Variants in DEFB109B observed in about 807,000 individuals in gnomAD.
The protein encoded by DEFB109B is beta-defensin 109B.
At chr8:7,312,330 C>A (rs1438201803), upstream of DEFB109B, among the ~76,000 whole-genome samples, 1 of 138,706 alleles carries the variant, frequency 7.2e-6, no homozygotes, top group Non-Finnish European at 1.5e-5. Flanking sequence ...GAGGGTCGAT[C>A]TTAGGGGTTC....
chr8:7,315,358 G>T (rs184697510), intron 1 of DEFB109B, among the ~76,000 whole-genome samples: 2 of 138,344 alleles, frequency 1.4e-5, no homozygotes, highest in Non-Finnish European at 1.5e-5. Flanking sequence ...AATTAGCCGG[G>T]TGCGGTGGTA....
intron 1 of DEFB109B, among the ~76,000 whole-genome samples, chr8:7,316,620 G>GGTATT (rs1554509097): frequency 7.8e-6 from 1 of 128,600 alleles, no homozygotes; most frequent in Non-Finnish European, 1.5e-5. Context: ...ACTGCATTTT[G>GGTATT]GTTTTGTTTT....
chr8:7,315,527 A>G (rs1458983246), intron 1 of DEFB109B, among the ~76,000 whole-genome samples: 1 of 136,700 alleles, frequency 7.3e-6, no homozygotes, highest in Non-Finnish European at 1.5e-5. Context: ...GAAGAAGAAT[A>G]AAGAAAGAAA....
At chr8:7,315,300 G>A (rs1381025759) in intron 1 of DEFB109B, among the ~76,000 whole-genome samples, 1 of 131,344 alleles carries the variant, frequency 7.6e-6, no homozygotes, top group Admixed American at 7.0e-5. Context: ...GGCAGATCAC[G>A]AGGTCAGTGG....
upstream of DEFB109B, among the ~76,000 whole-genome samples, chr8:7,310,597 G>T (rs1309526847): frequency 9.5e-5 from 13 of 137,170 alleles, no homozygotes; most frequent in Admixed American, 5.6e-4. Flanking sequence ...GTGTGTGTGT[G>T]TGTGTGTGCA....
At chr8:7,316,734 C>A (rs1028776842) in intron 1 of DEFB109B, among the ~76,000 whole-genome samples, 1 of 143,394 alleles carries the variant, frequency 7.0e-6, no homozygotes, top group East Asian at 1.9e-4. Context: ...TCAAGTGATT[C>A]TCCTGCCTCA....
chr8:7,310,384 T>A (rs1802548787), upstream of DEFB109B, among the ~76,000 whole-genome samples: 1 of 72,330 alleles, frequency 1.4e-5, no homozygotes, highest in Non-Finnish European at 2.3e-5. Flanking sequence ...GGTTTCTTTG[T>A]ATGAGATAAA....
intron 1 of DEFB109B, among the ~76,000 whole-genome samples, chr8:7,315,173 C>T (rs562786267): frequency 1.2e-5 from 1 of 83,638 alleles, no homozygotes; most frequent in African/African-American, 1.0e-4. Flanking sequence ...AGGTAGTTCT[C>T]CTGCTCTCCA....
chr8:7,319,998 TAAG>T (rs1291707219), downstream of DEFB109B: 1 of 44,522 alleles, frequency 2.2e-5, no homozygotes, highest in Non-Finnish European at 4.1e-5. Flanking sequence ...TATTTGCATC[TAAG>T]AATATTAAAA....
At chr8:7,310,647 C>T (rs1802570005), upstream of DEFB109B, among the ~76,000 whole-genome samples, 1 of 146,234 alleles carries the variant, frequency 6.8e-6, no homozygotes, top group Middle Eastern at 3.5e-3. Context: ...TATTCTGTAT[C>T]CCACACTCCA....
At chr8:7,315,486 G>A (rs1214048419) in intron 1 of DEFB109B, among the ~76,000 whole-genome samples, 1 of 116,292 alleles carries the variant, frequency 8.6e-6, no homozygotes, top group Non-Finnish European at 1.6e-5. Context: ...GCGACAGAGT[G>A]AGACTCCGTC....
In DEFB109B at chr8:7,315,523, G is replaced by T. The variant is rs1464702514; in HGVS notation, n.58+2620G>T. ...AAAAAAAAAAAAAAAAGAAGAAGAA[G>T]AATAAAGAAAGAAAGAGAAAGAAAG... On this transcript the variant is annotated intron_variant and non_coding_transcript_variant, in intron 1 of 1. Coordinates refer to ENST00000382656, the Ensembl canonical transcript of DEFB109B. 2.7e-4 allele frequency among the ~76,000 whole-genome samples: 35 copies of T among 130,868 alleles called. No homozygotes were observed. In the South Asian group the frequency reaches 3.3e-3, roughly 12 times the overall value. The allele number at this position is 130,868 out of a possible 152,430, so 85.9% of individuals were successfully genotyped here.
chr8:7,319,808 G>A (rs1803203411), exon 2 of DEFB109B: 1 of 133,046 alleles, frequency 7.5e-6, no homozygotes. Flanking sequence ...TTGCAGAACA[G>A]ATGTCTGCAA....
At chr8:7,319,213 T>A in intron 1 of DEFB109B, 2 of 84,550 alleles carry the variant, frequency 2.4e-5, no homozygotes, top group Middle Eastern at 8.5e-3. Flanking sequence ...TTTAAGAAAC[T>A]ATGGCAACAC....
chr8:7,310,597 G>GTGTGTGTGTT (rs1802567194), upstream of DEFB109B, among the ~76,000 whole-genome samples: 1 of 137,098 alleles, frequency 7.3e-6, no homozygotes, highest in African/African-American at 3.4e-5. Flanking sequence ...GTGTGTGTGT[G>GTGTGTGTGTT]TGTGTGTGCA....
upstream of DEFB109B, among the ~76,000 whole-genome samples, chr8:7,311,883 G>A (rs1802627206): frequency 1.2e-5 from 1 of 84,996 alleles, no homozygotes; most frequent in Non-Finnish European, 2.0e-5. Flanking sequence ...AAAACCCCTA[G>A]TGTAACTTGA....
intron 1 of DEFB109B, chr8:7,318,848 T>C (rs1803112296): frequency 2.1e-5 from 3 of 145,802 alleles, no homozygotes; most frequent in Non-Finnish European, 2.9e-5. Context: ...AATACAATAA[T>C]AAATGTTAAG....
At chr8:7,312,235 A>C (rs528331905), upstream of DEFB109B, among the ~76,000 whole-genome samples, 20 of 136,134 alleles carry the variant, frequency 1.5e-4, 4 homozygotes, top group South Asian at 1.1e-3. Context: ...TAAAGCTATA[A>C]AAAATGAATC....
chr8:7,319,819 C>A (rs536667403), exon 2 of DEFB109B: 2 of 124,966 alleles, frequency 1.6e-5, no homozygotes, highest in Non-Finnish European at 3.2e-5. Flanking sequence ...ATGTCTGCAA[C>A]ATAGTAGAAG....
Sources: gnomAD v4.1 joint callset for allele counts (sites outside exome capture counted in the v4.1 genomes callset) on GRCh38, gnomAD v4.1.1 for gene constraint, MANE v1.5 for transcripts, NCBI Gene and HGNC (gene_info 2026-07-23, HGNC 2026-07-21) for gene names.